Variants in KCNT2 observed in about 807,000 individuals in gnomAD.
KCNT2 encodes the protein potassium channel subfamily T member 2.
In KCNT2, 67 loss-of-function variants were observed where a neutral mutation model predicts 153.8. That is an observed-to-expected ratio of 0.44 (90% CI 0.36 to 0.53). The LOEUF (loss-of-function observed/expected upper bound fraction) is 0.53. Among genes scored for constraint, KCNT2 ranks in the 20% least tolerant of loss-of-function variants. The probability of loss-of-function intolerance (pLI) is 0.00; values close to 1 mark genes in which losing one functional copy is unlikely to be tolerated. For missense variants in KCNT2, 975 were observed against 1,354.8 expected (o/e 0.72, Z 4.40); for synonymous variants, 500 against 458.8 (o/e 1.09, Z -1.15).
At position 196,357,057 on chromosome 1, in the gene KCNT2, G is replaced by A. The variant is rs946227034; in HGVS notation, c.1404-14829C>T. On this transcript the variant is annotated intron_variant, in intron 14 of 27. Coordinates refer to ENST00000294725, the MANE Select transcript of KCNT2 (RefSeq NM_198503.5). ...ATTTTGGAACCTGGGGATGATATTA[G>A]CTACCCTCTTCATTTCCATATCTTC... Among the ~76,000 whole-genome samples, 3 of 151,946 alleles carry A rather than the reference G, an allele frequency of 2.0e-5. No individual in the cohort carries two copies. The East Asian group carries it at 5.8e-4, about 29-fold the overall frequency.
chr1:196,607,519 T>A (rs1327359991), intron 1 of KCNT2, among the ~76,000 whole-genome samples: 1 of 151,460 alleles, frequency 6.6e-6, no homozygotes, highest in African/African-American at 2.4e-5. Flanking sequence ...AGACATATAT[T>A]CTGTTTCAGT....
chr1:196,267,604 C>A (rs1358605299), intron 25 of KCNT2, among the ~76,000 whole-genome samples: 1 of 152,200 alleles, frequency 6.6e-6, no homozygotes, highest in Non-Finnish European at 1.5e-5. Context: ...CTGCCTCCTG[C>A]ATCAACCACA....
intron 25 of KCNT2, among the ~76,000 whole-genome samples, chr1:196,261,568 G>A (rs1463792130): frequency 2.6e-5 from 4 of 151,808 alleles, no homozygotes; most frequent in African/African-American, 9.7e-5. Context: ...GTGAAAAATG[G>A]GGATGAAAAA....
chr1:196,399,817 C>T (rs1435505291), intron 12 of KCNT2, among the ~76,000 whole-genome samples: 1 of 151,768 alleles, frequency 6.6e-6, no homozygotes, highest in South Asian at 2.1e-4. Context: ...ATAAAAGACA[C>T]CTGAGAGAGA....
chr1:196,305,442 T>A (rs1661538139), intron 21 of KCNT2, 97 bp from the exon 22 acceptor site: 1 of 668,638 alleles, frequency 1.5e-6, no homozygotes, highest in Non-Finnish European at 2.6e-6. Flanking sequence ...GCCTTGGGCA[T>A]AAAACTATAT....
chr1:196,563,233 G>C (rs1659653035), intron 1 of KCNT2, among the ~76,000 whole-genome samples: 1 of 151,742 alleles, frequency 6.6e-6, no homozygotes, highest in South Asian at 2.1e-4. Flanking sequence ...TCTTTTAGGG[G>C]TTAGAATTTT....
At chr1:196,482,511 A>G in intron 3 of KCNT2, 132 bp from the exon 4 acceptor site, 1 of 517,574 alleles carries the variant, frequency 1.9e-6, no homozygotes, top group Non-Finnish European at 3.4e-6. Context: ...AACATTTGAA[A>G]AAACGTTGTT....
chr1:196,562,906 G>C (rs1203226448), intron 1 of KCNT2, among the ~76,000 whole-genome samples: 1 of 151,888 alleles, frequency 6.6e-6, no homozygotes, highest in African/African-American at 2.4e-5. Context: ...TCTAAATATA[G>C]TGCAGAATCT....
At chr1:196,394,900 T>C (rs1208179235) in intron 13 of KCNT2, among the ~76,000 whole-genome samples, 2 of 151,370 alleles carry the variant, frequency 1.3e-5, no homozygotes, top group Non-Finnish European at 3.0e-5. Context: ...TTTTAATATG[T>C]GATTATTAAA....
At chr1:196,440,989 G>T (rs1053275691) in intron 8 of KCNT2, among the ~76,000 whole-genome samples, 2 of 151,770 alleles carry the variant, frequency 1.3e-5, no homozygotes, top group Admixed American at 6.6e-5. Flanking sequence ...AAGCACAGAA[G>T]CTCCCTCATC....
At position 196,536,243 on chromosome 1, in the gene KCNT2, C is replaced by T. The variant is rs185346438; in HGVS notation, c.96-43902G>A. Reference sequence around the variant, plus strand: ...CTGGTGGAGAAAGACATCTTTCCTACCATATGTCTTGCCATATGGCCTGGC... The same window carrying T: ...CTGGTGGAGAAAGACATCTTTCCTATCATATGTCTTGCCATATGGCCTGGC... On this transcript the variant is annotated intron_variant, in intron 1 of 27. Coordinates refer to ENST00000294725, the MANE Select transcript of KCNT2 (RefSeq NM_198503.5). 1.1e-4 allele frequency among the ~76,000 whole-genome samples: 17 copies of T among 152,352 alleles called. 2 individuals are homozygous for T. In the East Asian group the frequency reaches 3.3e-3, roughly 29 times the overall value.
intron 1 of KCNT2, among the ~76,000 whole-genome samples, chr1:196,550,831 G>C (rs911011625): frequency 2.0e-5 from 3 of 151,766 alleles, no homozygotes; most frequent in Non-Finnish European, 4.4e-5. Flanking sequence ...ATACCAGGAA[G>C]CTCTGAGAGA....
At chr1:196,545,852 T>C (rs563656059) in intron 1 of KCNT2, among the ~76,000 whole-genome samples, 239 of 152,176 alleles carry the variant, frequency 1.6e-3, no homozygotes, top group Non-Finnish European at 2.7e-3. Context: ...TTGAGCCTAA[T>C]GTTTTCAAAC....
intron 1 of KCNT2, among the ~76,000 whole-genome samples, chr1:196,540,452 C>G (rs1445604726): frequency 1.3e-5 from 2 of 152,114 alleles, no homozygotes; most frequent in East Asian, 3.9e-4. Context: ...CTAGATGGAG[C>G]AAAATCACTC....
chr1:196,309,006 T>C (rs777365893), intron 21 of KCNT2, among the ~76,000 whole-genome samples: 3 of 151,870 alleles, frequency 2.0e-5, no homozygotes, highest in Non-Finnish European at 4.4e-5. Flanking sequence ...TTAAACACTA[T>C]AATATAATAG....
intron 8 of KCNT2, among the ~76,000 whole-genome samples, chr1:196,436,285 A>G (rs985751112): frequency 6.6e-6 from 1 of 151,648 alleles, no homozygotes; most frequent in Admixed American, 6.6e-5. Context: ...CTCTGTGGTA[A>G]TTATTCAAGT....
intron 22 of KCNT2, among the ~76,000 whole-genome samples, chr1:196,300,412 C>G (rs116763551): frequency 0.014 from 2,139 of 152,252 alleles, 41 homozygotes; most frequent in African/African-American, 0.049. Context: ...ATAGCAGCAG[C>G]AGGATGGACT....
chr1:196,569,511 A>T (rs1162290962), intron 1 of KCNT2, among the ~76,000 whole-genome samples: 2 of 152,208 alleles, frequency 1.3e-5, no homozygotes, highest in East Asian at 3.8e-4. Context: ...TTTGGTCACA[A>T]CATTAGGATA....
chr1:196,368,626 T>C (rs1668240936), intron 14 of KCNT2, among the ~76,000 whole-genome samples: 1 of 152,178 alleles, frequency 6.6e-6, no homozygotes, highest in East Asian at 1.9e-4. Context: ...ATCATCTATG[T>C]TGTTAACAAT....
Sources: gnomAD v4.1 joint callset for allele counts (sites outside exome capture counted in the v4.1 genomes callset) on GRCh38, gnomAD v4.1.1 for gene constraint, MANE v1.5 for transcripts, NCBI Gene and HGNC (gene_info 2026-07-23, HGNC 2026-07-21) for gene names.